The following CFAP299 variants were observed in gnomAD, a reference collection of about 807,000 sequenced individuals.
CFAP299 encodes the protein cilia and flagella associated protein 299.
In CFAP299, 21 loss-of-function variants were observed where a neutral mutation model predicts 27.0. The observed-to-expected ratio is 0.78, with a 90% CI of 0.55 to 1.12. The LOEUF is 1.12. CFAP299 is among the 50% of genes most tolerant of loss of function. The pLI is 0.00. For missense variants in CFAP299, 310 were observed against 276.6 expected (o/e 1.12, Z -0.86); for synonymous variants, 104 against 98.1 (o/e 1.06, Z -0.36).
At chr4:80,790,697 A>T (rs1174974958) in intron 3 of CFAP299, among the ~76,000 whole-genome samples, 1 of 152,024 alleles carries the variant, frequency 6.6e-6, no homozygotes, top group Non-Finnish European at 1.5e-5. Context: ...GAACACAAAA[A>T]ATAAATGTGT....
intron 4 of CFAP299, among the ~76,000 whole-genome samples, chr4:80,923,199 G>C (rs79983005): frequency 4.6e-5 from 7 of 152,150 alleles, no homozygotes; most frequent in Admixed American, 6.6e-5. Flanking sequence ...CCAGGAAGAG[G>C]AGGAGGTTAC....
intron 2 of CFAP299, among the ~76,000 whole-genome samples, chr4:80,540,554 AT>A (rs1733951153): frequency 6.6e-6 from 1 of 152,184 alleles, no homozygotes; most frequent in African/African-American, 2.4e-5. Flanking sequence ...CAGGAAAATG[AT>A]TCTTTATAAT....
At chr4:80,482,304 G>T (rs1730603692) in intron 2 of CFAP299, among the ~76,000 whole-genome samples, 1 of 151,918 alleles carries the variant, frequency 6.6e-6, no homozygotes, top group Admixed American at 6.6e-5. Flanking sequence ...AATTCAGAGT[G>T]AAATATTGTC....
At chr4:80,710,675 A>C (rs1173749542) in intron 3 of CFAP299, among the ~76,000 whole-genome samples, 2 of 151,616 alleles carry the variant, frequency 1.3e-5, no homozygotes, top group Non-Finnish European at 2.9e-5. Context: ...TTCCAACTAC[A>C]TCATCCCTCA....
intron 3 of CFAP299, among the ~76,000 whole-genome samples, chr4:80,655,508 C>T (rs908873647): frequency 6.6e-6 from 1 of 152,014 alleles, no homozygotes. Flanking sequence ...TGTGTTGGCT[C>T]CACAAATGCT....
intron 3 of CFAP299, among the ~76,000 whole-genome samples, chr4:80,656,403 G>A (rs945406919): frequency 2.0e-5 from 3 of 151,956 alleles, no homozygotes; most frequent in African/African-American, 4.8e-5. Context: ...AGACCCCTGT[G>A]TGTGATGTTC....
intron 2 of CFAP299, among the ~76,000 whole-genome samples, chr4:80,428,984 T>A (rs1162341991): frequency 1.3e-5 from 2 of 152,328 alleles, no homozygotes; most frequent in East Asian, 3.9e-4. Context: ...TTGGCAAGAT[T>A]TTTAGAAAGA....
At chr4:80,324,504 A>C in the CFAP299 span, among the ~76,000 whole-genome samples, 1 of 152,192 alleles carries the variant, frequency 6.6e-6, no homozygotes, top group Non-Finnish European at 1.5e-5. Context: ...ATCTATCACT[A>C]TTAATGCATT....
At position 80,867,902 on chromosome 4, in the gene CFAP299, T is replaced by A. The variant is rs142698925; in HGVS notation, c.334-2091T>A. Among the ~76,000 whole-genome samples, 530 of 152,344 alleles carry A rather than the reference T, an allele frequency of 3.5e-3. 15 individuals carry two copies. The highest frequency in any genetic ancestry group is 5.4e-4 in the Non-Finnish European group (37 of 68,036). On this transcript the variant is annotated intron_variant, in intron 3 of 5. Coordinates refer to ENST00000358105, the MANE Select transcript of CFAP299 (RefSeq NM_152770.3). ...TGTATTTTATTTTTCCTAACTCTTC[T>A]ATAATTTTCCTTTTCATTATTGCCT...
At position 80,657,714 on chromosome 4, in the gene CFAP299, C is replaced by CT. The variant is rs563068702; in HGVS notation, c.333+74537dup. Among the ~76,000 whole-genome samples, 117 of 152,116 alleles carry CT rather than the reference C, an allele frequency of 7.7e-4. 2 individuals are homozygous for CT. Among genetic ancestry groups the CT allele is most frequent in the Middle Eastern group, 6.8e-3 (2 of 294 alleles). On this transcript the variant is annotated intron_variant, in intron 3 of 5. Transcript: ENST00000358105. ...TAGGATTGTCTTTGCTAGATGGGCT[C>CT]TTTTTTGGGTTCCATATAAAATTTA...
intron 3 of CFAP299, among the ~76,000 whole-genome samples, chr4:80,642,036 G>C (rs1023526051): frequency 1.3e-5 from 2 of 152,170 alleles, no homozygotes; most frequent in Non-Finnish European, 2.9e-5. Flanking sequence ...AAGGTAATGG[G>C]GCAGAAAGGT....
At position 80,611,369 on chromosome 4, in the gene CFAP299, C is replaced by T. The variant is rs557911170; in HGVS notation, c.333+28186C>T. 2.0e-5 allele frequency among the ~76,000 whole-genome samples: 3 copies of T among 152,124 alleles called. No homozygotes were observed. In the East Asian group the frequency reaches 5.8e-4, roughly 29 times the overall value. On this transcript the variant is annotated intron_variant, in intron 3 of 5. Transcript: ENST00000358105. ...TGGGAATGCTGGGCAAATTAGCTTC[C>T]ATGTGAACTATACATTATATTCAAT...
intron 1 of CFAP299, among the ~76,000 whole-genome samples, chr4:80,359,424 T>C (rs1050519930): frequency 3.9e-5 from 6 of 152,170 alleles, no homozygotes; most frequent in African/African-American, 1.4e-4. Context: ...TCCAAGTTGC[T>C]TCCATTCTCC....
chr4:80,866,823 G>A (rs183901301), intron 3 of CFAP299, among the ~76,000 whole-genome samples: 14 of 152,234 alleles, frequency 9.2e-5, no homozygotes, highest in African/African-American at 3.4e-4. Flanking sequence ...GGGAAAAGGG[G>A]ATTTAACTGA....
At chr4:80,916,240 C>T (rs1457437374) in intron 4 of CFAP299, among the ~76,000 whole-genome samples, 2 of 104,130 alleles carry the variant, frequency 1.9e-5, no homozygotes, top group African/African-American at 7.1e-5. Flanking sequence ...CTGGTCTGGG[C>T]AACTAGACTG....
At chr4:80,432,883 G>A (rs1271419623) in intron 2 of CFAP299, among the ~76,000 whole-genome samples, 1 of 151,830 alleles carries the variant, frequency 6.6e-6, no homozygotes, top group African/African-American at 2.4e-5. Context: ...TGGAGGGAGG[G>A]GAATAAGTAT....
intron 2 of CFAP299, among the ~76,000 whole-genome samples, chr4:80,453,114 C>T (rs1046895211): frequency 2.6e-5 from 4 of 152,154 alleles, no homozygotes; most frequent in African/African-American, 7.2e-5. Flanking sequence ...AACATTATCA[C>T]GTTTCATATG....
At chr4:80,455,109 C>T (rs1729082333) in intron 2 of CFAP299, among the ~76,000 whole-genome samples, 1 of 152,116 alleles carries the variant, frequency 6.6e-6, no homozygotes, top group Non-Finnish European at 1.5e-5. Flanking sequence ...ATCTTGAGGC[C>T]TCTAGCTGTG....
At chr4:80,734,248 T>G (rs1024477080) in intron 3 of CFAP299, among the ~76,000 whole-genome samples, 1 of 152,156 alleles carries the variant, frequency 6.6e-6, no homozygotes, top group Admixed American at 6.5e-5. Context: ...TATGCCTGCT[T>G]GCCATTTGTA....
Sources: gnomAD v4.1 joint callset for allele counts (sites outside exome capture counted in the v4.1 genomes callset) on GRCh38, gnomAD v4.1.1 for gene constraint, MANE v1.5 for transcripts, NCBI Gene and HGNC (gene_info 2026-07-23, HGNC 2026-07-21) for gene names.